Variants in L3MBTL4 observed in about 807,000 individuals in gnomAD.
The protein encoded by L3MBTL4 is L3MBTL histone methyl-lysine binding protein 4, also known as lethal(3)malignant brain tumor-like protein 4.
A neutral mutation model predicts 84.5 loss-of-function variants in L3MBTL4; 70 were observed. The observed-to-expected ratio is 0.83, with a 90% confidence interval of 0.68 to 1.01. The LOEUF (loss-of-function observed/expected upper bound fraction) is 1.01, where lower values mean the gene tolerates loss of function less well. Among genes scored for constraint, L3MBTL4 ranks in the 50% least tolerant of loss-of-function variants. The probability of loss-of-function intolerance (pLI) is 0.00; values close to 1 mark genes in which losing one functional copy is unlikely to be tolerated. For missense variants in L3MBTL4, 715 were observed against 754.8 expected (o/e 0.95, Z 0.62); for synonymous variants, 274 against 259.8 (o/e 1.05, Z -0.52).
chr18:6,112,931 T>C (rs1411978310), intron 14 of L3MBTL4, among the ~76,000 whole-genome samples: 1 of 152,154 alleles, frequency 6.6e-6, no homozygotes, highest in Non-Finnish European at 1.5e-5. Context: ...ATTAATCAAA[T>C]TATATAGCTA....
rs183466700 is a variant in L3MBTL4, at chr18:6,192,501, G to C, written c.982-20559C>G. On this transcript the variant is annotated intron_variant, in intron 12 of 18. Coordinates refer to ENST00000317931, the MANE Select transcript of L3MBTL4 (RefSeq NM_001330559.2). ...AGCGGGTGGTGCTGGCAATATGTGT[G>C]AGTCCTAGAGTTCCATTCTGATGGC... 3.1e-3 allele frequency among the ~76,000 whole-genome samples: 478 copies of C among 152,148 alleles called. 6 individuals carry two copies. The highest frequency in any genetic ancestry group is 3.1e-3 in the Non-Finnish European group (208 of 68,016).
At chr18:6,166,337 C>T (rs2043655055) in intron 13 of L3MBTL4, among the ~76,000 whole-genome samples, 1 of 151,722 alleles carries the variant, frequency 6.6e-6, no homozygotes, top group African/African-American at 2.4e-5. Context: ...ACCTAATAGA[C>T]ATCTACAGAA....
At chr18:6,101,474 C>T (rs544849722) in intron 14 of L3MBTL4, among the ~76,000 whole-genome samples, 1 of 152,308 alleles carries the variant, frequency 6.6e-6, no homozygotes, top group South Asian at 2.1e-4. Context: ...CCTAAACAAG[C>T]ACCCTCTCCC....
intron 16 of L3MBTL4, among the ~76,000 whole-genome samples, chr18:6,077,827 G>A (rs1318375410): frequency 6.6e-6 from 1 of 150,512 alleles, no homozygotes; most frequent in Non-Finnish European, 1.5e-5. Context: ...TCAGGAGTTC[G>A]AGACCAGCCT....
intron 10 of L3MBTL4, among the ~76,000 whole-genome samples, chr18:6,225,738 T>TAA (rs772917830): frequency 1.7e-3 from 198 of 117,464 alleles, no homozygotes; most frequent in Middle Eastern, 4.8e-3. Flanking sequence ...CCAGCCTATC[T>TAA]AAAAAAAAAA....
Position 6,220,517 on chromosome 18 carries a change from G to A in L3MBTL4, c.785-4682C>T, listed in dbSNP as rs2046506472. On this transcript the variant is annotated intron_variant, in intron 10 of 18. Transcript: ENST00000317931. Reference sequence around the variant, plus strand: ...CCACCCTGACTCTCTATATAATAGGGAGCCCCCCTCCCAAATGTATGTGCC... The same window carrying A: ...CCACCCTGACTCTCTATATAATAGGAAGCCCCCCTCCCAAATGTATGTGCC... Among the ~76,000 whole-genome samples, 3 of 152,020 alleles carry A rather than the reference G, an allele frequency of 2.0e-5. No homozygotes were observed. In the South Asian group the frequency reaches 6.2e-4, roughly 32 times the overall value.
intron 16 of L3MBTL4, among the ~76,000 whole-genome samples, chr18:5,975,587 A>C (rs1206484344): frequency 1.3e-5 from 2 of 152,238 alleles, no homozygotes; most frequent in Non-Finnish European, 2.9e-5. Context: ...TGCCCTGCGT[A>C]CTGAACGTGC....
At chr18:6,375,317 G>A (rs901313067) in intron 1 of L3MBTL4, among the ~76,000 whole-genome samples, 6 of 152,074 alleles carry the variant, frequency 3.9e-5, no homozygotes, top group African/African-American at 1.2e-4. Flanking sequence ...AGGCTGCCAC[G>A]GCTTCTGAGG....
chr18:6,202,682 A>T (rs2045697846), intron 12 of L3MBTL4, among the ~76,000 whole-genome samples: 1 of 152,128 alleles, frequency 6.6e-6, no homozygotes, highest in African/African-American at 2.4e-5. Flanking sequence ...TAACTCTGAG[A>T]TGGGTAGACT....
chr18:6,183,164 A>C (rs1568272794), intron 12 of L3MBTL4, among the ~76,000 whole-genome samples: 2 of 152,346 alleles, frequency 1.3e-5, no homozygotes, highest in Middle Eastern at 3.4e-3. Flanking sequence ...AATTCTTGTT[A>C]AGAAATCTTT....
rs187780881 is a variant in L3MBTL4 at position 6,307,396 on chromosome 18, C to T, written c.72+4158G>A. 8.7e-5 allele frequency among the ~76,000 whole-genome samples: 13 copies of T among 149,882 alleles called. No individual in the cohort carries two copies. In the East Asian group the frequency reaches 2.4e-3, roughly 27 times the overall value. ...AGATTGCAGTGAGCCGAGATTGCGC[C>T]ACTGCACTCCAGCCTGGTGACAGAG... On this transcript the variant is annotated intron_variant, in intron 3 of 18. Coordinates refer to ENST00000317931, the MANE Select transcript of L3MBTL4 (RefSeq NM_001330559.2).
chr18:6,172,553 A>G (rs1219115785), intron 12 of L3MBTL4, among the ~76,000 whole-genome samples: 6 of 152,188 alleles, frequency 3.9e-5, no homozygotes, highest in South Asian at 2.1e-4. Context: ...CTTCTGAAGA[A>G]GATCCAGCCA....
chr18:5,957,201 A>G (rs2144589842), intron 18 of L3MBTL4, among the ~76,000 whole-genome samples: 2 of 152,358 alleles, frequency 1.3e-5, no homozygotes, highest in Middle Eastern at 6.8e-3. Context: ...CTTTAAAAAT[A>G]CATTTCAAAA....
At chr18:6,147,752 CAT>C (rs1227903651) in intron 13 of L3MBTL4, among the ~76,000 whole-genome samples, 1 of 152,176 alleles carries the variant, frequency 6.6e-6, no homozygotes, top group Non-Finnish European at 1.5e-5. Context: ...ACAGATCTGA[CAT>C]AGCTTCAGAG....
At chr18:6,295,538 AG>A (rs1169627784) in intron 4 of L3MBTL4, among the ~76,000 whole-genome samples, 1 of 151,892 alleles carries the variant, frequency 6.6e-6, no homozygotes, top group Non-Finnish European at 1.5e-5. Flanking sequence ...AATCCTACGG[AG>A]GGGGGCCCTT....
chr18:6,406,789 TC>T lies in L3MBTL4; in HGVS notation c.-91+8011del, dbSNP rs1402206058. Reference sequence around the variant, plus strand: ...AGATTATTTTTAAACTCCCTAAAATTCAAAAAATGCTGAATCCAAATGTGTA... The same window carrying T: ...AGATTATTTTTAAACTCCCTAAAATTAAAAAATGCTGAATCCAAATGTGTA... On this transcript the variant is annotated intron_variant, in intron 1 of 18. Transcript: ENST00000317931. Among the ~76,000 whole-genome samples, 114 of 151,908 alleles carry T rather than the reference TC, an allele frequency of 7.5e-4. 2 individuals are homozygous for T. The East Asian group carries it at 0.02, about 27-fold the overall frequency.
intron 5 of L3MBTL4, among the ~76,000 whole-genome samples, chr18:6,248,096 C>T (rs1297454009): frequency 1.3e-5 from 2 of 152,150 alleles, no homozygotes; most frequent in Non-Finnish European, 2.9e-5. Flanking sequence ...TAAGTTCAAA[C>T]AGATATGTCT....
intron 14 of L3MBTL4, among the ~76,000 whole-genome samples, chr18:6,101,803 A>G (rs1372750443): frequency 6.6e-6 from 1 of 152,176 alleles, no homozygotes; most frequent in Admixed American, 6.5e-5. Context: ...CAGGTATTCA[A>G]TTTTCACATT....
chr18:6,031,681 G>A, intron 16 of L3MBTL4: 1 of 984,308 alleles, frequency 1.0e-6, no homozygotes, highest in Non-Finnish European at 1.2e-6. Context: ...CCTCCAGCAG[G>A]TCAGCCCCAG....
Sources: allele counts gnomAD v4.1 joint callset (sites outside exome capture counted in the v4.1 genomes callset), GRCh38; gene constraint gnomAD v4.1.1; transcripts MANE v1.5; gene names NCBI Gene and HGNC (gene_info 2026-07-23, HGNC 2026-07-21).